Variants in SPATS2 observed in about 807,000 individuals in gnomAD.
The protein encoded by SPATS2 is spermatogenesis associated serine rich 2, also known as spermatogenesis-associated serine-rich protein 2.
SPATS2 carries 38 observed loss-of-function variants against 63.7 expected under a neutral mutation model. That is an observed-to-expected ratio of 0.60 (90% CI 0.46 to 0.78). The LOEUF (loss-of-function observed/expected upper bound fraction) is 0.78. Ranked by LOEUF, SPATS2 falls within the 30% of genes least tolerant of loss-of-function variation. SPATS2 has a pLI of 0.00. For synonymous variants in SPATS2, 207 were observed against 232.9 expected (o/e 0.89, Z 1.01); for missense variants, 588 against 666.2 (o/e 0.88, Z 1.29).
chr12:49,488,234 G>A (rs989877101), intron 4 of SPATS2, among the ~76,000 whole-genome samples: 1 of 151,740 alleles, frequency 6.6e-6, no homozygotes, highest in African/African-American at 2.4e-5. Flanking sequence ...CAGTAGAGAC[G>A]GCGTTTTTCC....
intron 12 of SPATS2, 127 bp from the exon 13 acceptor site, chr12:49,524,555 G>A: frequency 1.0e-6 from 1 of 974,472 alleles, no homozygotes; most frequent in Non-Finnish European, 1.5e-6. Context: ...CAGTTTTATA[G>A]GTTTTTCTTT....
chr12:49,525,293 A>T (rs950580622), intron 13 of SPATS2, among the ~76,000 whole-genome samples: 2 of 152,162 alleles, frequency 1.3e-5, no homozygotes, highest in African/African-American at 2.4e-5. Context: ...AGAGAGAGTG[A>T]ACTGGTGGGG....
At chr12:49,510,682 T>G (rs768297510) in intron 9 of SPATS2, among the ~76,000 whole-genome samples, 1 of 152,216 alleles carries the variant, frequency 6.6e-6, no homozygotes, top group Non-Finnish European at 1.5e-5. Flanking sequence ...CCTGTGGAAT[T>G]GTCAAGAGTT....
chr12:49,460,716 G>A, intron 2 of SPATS2, 54 bp from the exon 3 acceptor site: 1 of 339,146 alleles, frequency 2.9e-6, no homozygotes, highest in South Asian at 5.8e-5. Flanking sequence ...CAGAAATTTT[G>A]TACAGATAGT....
chr12:49,421,198 T>A (rs538192915), intron 2 of SPATS2, among the ~76,000 whole-genome samples: 108 of 152,014 alleles, frequency 7.1e-4, no homozygotes, highest in African/African-American at 2.3e-3. Context: ...GGCGGGCGGA[T>A]CATGAGGTCA....
intron 9 of SPATS2, among the ~76,000 whole-genome samples, chr12:49,501,935 T>G (rs1229618833): frequency 1.3e-5 from 2 of 152,196 alleles, no homozygotes; most frequent in African/African-American, 2.4e-5. Context: ...AACAGATGTT[T>G]AAATTCTAGC....
chr12:49,525,891 A>G (rs1947024448), intron 13 of SPATS2, 53 bp from the exon 14 acceptor site: 5 of 1,567,778 alleles, frequency 3.2e-6, no homozygotes, highest in Middle Eastern at 1.7e-4. Flanking sequence ...AAGTGAACGA[A>G]TGGGGTACCA....
Position 49,496,970 on chromosome 12 carries a change from G to C in SPATS2, c.664G>C (p.Gly222Arg). 1 of 1,596,696 alleles carries C rather than the reference G, an allele frequency of 6.3e-7. No homozygotes were observed. Among genetic ancestry groups the C allele is most frequent in the Non-Finnish European group, 8.5e-7 (1 of 1,172,348 alleles). The change falls in exon 8 of 14, where the codon GGG (glycine) becomes CGG (arginine). Residue 222 changes from glycine to arginine, a missense_variant. Coordinates refer to ENST00000552918, the MANE Select transcript of SPATS2 (RefSeq NM_023071.4). ...PTTETQFSNM[G>R]MEDVPLATSK... ...CACAGAAACTCAGTTTTCAAATATG[G>C]GGATGGAAGATGTTCCCCTCGCCAC... is the stretch of plus-strand genomic sequence containing the variant.
chr12:49,518,945 T>C, intron 10 of SPATS2, 128 bp from the exon 11 acceptor site: 1 of 571,758 alleles, frequency 1.7e-6, no homozygotes, highest in Non-Finnish European at 2.9e-6. Context: ...TTTGATATTT[T>C]CATTTTCTGG....
intron 9 of SPATS2, among the ~76,000 whole-genome samples, chr12:49,507,589 C>A (rs538309730): frequency 1.6e-3 from 242 of 152,236 alleles, no homozygotes; most frequent in Middle Eastern, 0.014. Context: ...AAGTAAAACT[C>A]AAAATTCTAC....
At chr12:49,519,530 T>G (rs1685994967) in intron 11 of SPATS2, among the ~76,000 whole-genome samples, 1 of 152,234 alleles carries the variant, frequency 6.6e-6, no homozygotes, top group African/African-American at 2.4e-5. Flanking sequence ...TAACTGGTTC[T>G]GTTCATCCAT....
rs1592456083 is a variant in SPATS2, at chr12:49,494,995, T to C, written c.519T>C (p.Asp173=). 1.2e-6 allele frequency: 2 copies of C among 1,601,146 alleles called. No homozygotes were observed. The highest frequency in any genetic ancestry group is 4.5e-5 in the East Asian group (2 of 44,608). ...AGTCTGCCATGCTAGATACGCTGGA[T>C]AGAACAGGTGAGTTTATTAACAGAT... ...DPESAMLDTL[D]RTGSMLQNGV... The change falls in exon 7 of 14, where the codon GAT becomes GAC. Residue 173 remains aspartate (D), a synonymous_variant. Transcript: ENST00000552918.
intron 2 of SPATS2, among the ~76,000 whole-genome samples, chr12:49,444,409 G>A (rs1444964184): frequency 6.6e-6 from 1 of 151,730 alleles, no homozygotes; most frequent in Non-Finnish European, 1.5e-5. Flanking sequence ...TGTAGAAATG[G>A]GGTCTCGCTT....
rs375196532 is a variant in SPATS2, at chr12:49,494,749, G to C, written c.273G>C (p.Lys91Asn). The C allele has an allele frequency of 6.5e-7, 1 of 1,542,374 alleles. No individual in the cohort carries two copies. Among genetic ancestry groups the C allele is most frequent in the Non-Finnish European group, 8.7e-7 (1 of 1,148,002 alleles). The stretch of plus-strand genomic sequence containing the variant: ...ATTTTTAATAACTTTAGAACAAAAA[G>C]AAGAAAAACAAACCGAAACCTGCCG... ...WTVTGKKKNKKKKNKPKPAAE... is the reference protein window; with the variant it reads ...WTVTGKKKNKNKKNKPKPAAE... The change falls in exon 7 of 14, where the codon AAG (lysine) becomes AAC (asparagine). Residue 91 changes from lysine (K) to asparagine (N), a missense_variant. Lys to Asn is a moderately conservative substitution (Grantham distance 94). Coordinates refer to ENST00000552918, the MANE Select transcript of SPATS2 (RefSeq NM_023071.4).
At chr12:49,431,804 A>C (rs895006524) in intron 2 of SPATS2, among the ~76,000 whole-genome samples, 8 of 152,126 alleles carry the variant, frequency 5.3e-5, no homozygotes, top group Admixed American at 3.9e-4. Flanking sequence ...AGGCCGAGGC[A>C]GGAGGATCAC....
In SPATS2 at chr12:49,428,775, G is replaced by A. The variant is rs115000324; in HGVS notation, c.-243-31995G>A. 4.4e-3 allele frequency among the ~76,000 whole-genome samples: 665 copies of A among 152,266 alleles called. 1 individual carries two copies. The highest frequency in any genetic ancestry group is 0.016 in the African/African-American group (644 of 41,544). ...ATATGCTTGGAATCTCCCTTTATGGGTTAGAATCAGTGAATATAGTTGCTC... is the reference window on the plus strand; with the variant it reads ...ATATGCTTGGAATCTCCCTTTATGGATTAGAATCAGTGAATATAGTTGCTC... On this transcript the variant is annotated intron_variant, in intron 2 of 13. Coordinates refer to ENST00000552918, the MANE Select transcript of SPATS2 (RefSeq NM_023071.4).
chr12:49,381,395 A>G (rs1345363760), intron 2 of SPATS2, among the ~76,000 whole-genome samples: 6 of 152,214 alleles, frequency 3.9e-5, no homozygotes, highest in Non-Finnish European at 8.8e-5. Flanking sequence ...AGTTTTTCCA[A>G]GTAGGAGTGG....
At chr12:49,373,043 G>A (rs977982921) in intron 2 of SPATS2, among the ~76,000 whole-genome samples, 10 of 148,718 alleles carry the variant, frequency 6.7e-5, no homozygotes, top group African/African-American at 2.5e-4. Flanking sequence ...CGTGATCTCA[G>A]CTCACCACAA....
intron 3 of SPATS2, among the ~76,000 whole-genome samples, chr12:49,475,697 C>T (rs186065495): frequency 6.6e-6 from 1 of 152,340 alleles, no homozygotes; most frequent in Admixed American, 6.5e-5. Context: ...CCGCCTTGGC[C>T]TCCCAAAGTG....
Sources: allele counts gnomAD v4.1 joint callset (sites outside exome capture counted in the v4.1 genomes callset), GRCh38; gene constraint gnomAD v4.1.1; transcripts MANE v1.5; gene names NCBI Gene and HGNC (gene_info 2026-07-23, HGNC 2026-07-21).